BCAR3: variants seen among roughly 807,000 people sequenced by gnomAD.
The protein encoded by BCAR3 is BCAR3 adaptor protein, NSP family member.
BCAR3 carries 37 observed loss-of-function variants against 80.1 expected under a neutral mutation model. The ratio of observed to expected loss-of-function variants is 0.46; its 90% confidence interval spans 0.36 to 0.61. The LOEUF is 0.61. Among genes scored for constraint, BCAR3 ranks in the 20% least tolerant of loss-of-function variants. The pLI, the probability that BCAR3 is intolerant of heterozygous loss-of-function variation, is 0.00. For missense variants in BCAR3, 978 were observed against 1,068.2 expected (o/e 0.92, Z 1.18); for synonymous variants, 389 against 418.9 (o/e 0.93, Z 0.87).
At position 93,567,358 on chromosome 1, in the gene BCAR3, CATG is replaced by C; in HGVS notation, c.2217_2219del (p.Ile739del). On this transcript the variant is annotated inframe_deletion, in exon 11 of 12. Coordinates refer to ENST00000260502, the MANE Select transcript of BCAR3 (RefSeq NM_003567.4). ...ATCGCGCTGTTGCCAAATGGTTCAG[CATG>C]ATTTCACAGCTCTGGTCGTTTTTTT... 8 of 1,614,192 alleles carry C rather than the reference CATG, an allele frequency of 5.0e-6. No homozygotes were observed. Among genetic ancestry groups the C allele is most frequent in the Non-Finnish European group, 6.8e-6 (8 of 1,180,034 alleles).
intron 2 of BCAR3, among the ~76,000 whole-genome samples, chr1:93,835,271 G>A (rs1049962661): frequency 6.6e-6 from 1 of 152,174 alleles, no homozygotes; most frequent in Non-Finnish European, 1.5e-5. Context: ...TCTCAAGGCT[G>A]CTTTACTTCC....
chr1:93,842,886 T>C (rs1264300326), intron 2 of BCAR3, among the ~76,000 whole-genome samples: 1 of 152,208 alleles, frequency 6.6e-6, no homozygotes, highest in Non-Finnish European at 1.5e-5. Flanking sequence ...TTCCTTCCCC[T>C]GTTCCTGCCT....
chr1:93,722,997 C>G (rs952189912), intron 2 of BCAR3, among the ~76,000 whole-genome samples: 1 of 152,096 alleles, frequency 6.6e-6, no homozygotes, highest in African/African-American at 2.4e-5. Flanking sequence ...AAGAAGCAGC[C>G]GTGATTAGAG....
intron 3 of BCAR3, chr1:93,613,948 C>T (rs767366628): frequency 2.4e-5 from 37 of 1,550,242 alleles, no homozygotes; most frequent in African/African-American, 1.9e-4. Flanking sequence ...TCTTCAGTCC[C>T]GGGGACCACA....
rs572089154 is a variant in BCAR3 at position 93,581,268 on chromosome 1, C to G, written c.1686+1033G>C. On this transcript the variant is annotated intron_variant, in intron 7 of 11. Coordinates refer to ENST00000260502, the MANE Select transcript of BCAR3 (RefSeq NM_003567.4). ...TGGAATAGTGTGTACAGACCTGTGG[C>G]AAACAGATATTACACATGCAATTAT... Among the ~76,000 whole-genome samples the G allele has an allele frequency of 1.3e-3, 205 of 152,208 alleles. 2 individuals carry two copies. Among genetic ancestry groups the G allele is most frequent in the Non-Finnish European group, 1.2e-3 (85 of 68,030 alleles).
At chr1:93,710,039 T>C (rs1649966211) in intron 2 of BCAR3, among the ~76,000 whole-genome samples, 1 of 152,224 alleles carries the variant, frequency 6.6e-6, no homozygotes, top group South Asian at 2.1e-4. Context: ...TCTTTGTCAC[T>C]TAGAGAAAAA....
At chr1:93,720,424 T>G (rs1650353431) in intron 2 of BCAR3, 1 of 152,310 alleles carries the variant, frequency 6.6e-6, no homozygotes, top group Non-Finnish European at 1.5e-5. Context: ...AAACAGGACC[T>G]AACTTTGGAG....
intron 3 of BCAR3, among the ~76,000 whole-genome samples, chr1:93,700,509 C>CA (rs1557659285): frequency 6.6e-6 from 1 of 152,214 alleles, no homozygotes; most frequent in African/African-American, 2.4e-5. Context: ...ATGCCACTGG[C>CA]AGACATCTGC....
chr1:93,719,190 A>G (rs1015330166), intron 2 of BCAR3, among the ~76,000 whole-genome samples: 112 of 152,192 alleles, frequency 7.4e-4, no homozygotes, highest in African/African-American at 2.6e-3. Flanking sequence ...CATAGAGCCC[A>G]CTACTCTGGA....
intron 3 of BCAR3, chr1:93,594,914 C>T (rs1411317674): frequency 1.3e-5 from 2 of 152,250 alleles, no homozygotes; most frequent in African/African-American, 4.8e-5. Flanking sequence ...CAGCCCTGCT[C>T]ATAACAGCAA....
chr1:93,842,726 C>G (rs1655002701), intron 2 of BCAR3, among the ~76,000 whole-genome samples: 1 of 152,158 alleles, frequency 6.6e-6, no homozygotes, highest in South Asian at 2.1e-4. Flanking sequence ...CTGCCCCTAC[C>G]CCTTTTGCCG....
chr1:93,710,470 G>A (rs1649981279), intron 2 of BCAR3, among the ~76,000 whole-genome samples: 2 of 152,296 alleles, frequency 1.3e-5, no homozygotes, highest in South Asian at 4.1e-4. Flanking sequence ...ATCCTAGCCA[G>A]GATATCTGGG....
intron 3 of BCAR3, among the ~76,000 whole-genome samples, chr1:93,638,875 GAGA>G (rs1675888091): frequency 6.6e-6 from 1 of 152,140 alleles, no homozygotes; most frequent in Non-Finnish European, 1.5e-5. Context: ...ATTGTGAGGA[GAGA>G]AGGTTAGGAA....
chr1:93,647,683 A>G (rs560299579), intron 2 of BCAR3, among the ~76,000 whole-genome samples: 2 of 152,288 alleles, frequency 1.3e-5, no homozygotes, highest in Middle Eastern at 3.4e-3. Flanking sequence ...TAAAGTACCA[A>G]AGGAGATTTG....
At chr1:93,828,679 G>A (rs530714213) in intron 2 of BCAR3, among the ~76,000 whole-genome samples, 1 of 152,152 alleles carries the variant, frequency 6.6e-6, no homozygotes, top group African/African-American at 2.4e-5. Flanking sequence ...ATTCATTTTT[G>A]AAGTCTCCTG....
At chr1:93,830,646 A>G (rs1654527030) in intron 2 of BCAR3, among the ~76,000 whole-genome samples, 2 of 151,538 alleles carry the variant, frequency 1.3e-5, no homozygotes, top group African/African-American at 4.9e-5. Context: ...CCCTTCGCTG[A>G]CTCTCTTTTC....
At chr1:93,629,919 C>T (rs798213) in intron 3 of BCAR3, among the ~76,000 whole-genome samples, 43,919 of 152,104 alleles carry the variant, frequency 0.29, 8,660 homozygotes, top group African/African-American at 0.58. Context: ...AGGTTAGGTG[C>T]GGGAACCTCT....
chr1:93,727,750 C>G (rs1177323831), intron 2 of BCAR3, among the ~76,000 whole-genome samples: 2 of 152,192 alleles, frequency 1.3e-5, no homozygotes, highest in Non-Finnish European at 2.9e-5. Context: ...GATATAATCA[C>G]TTTAATATGT....
chr1:93,577,204 A>T (rs1177411600), intron 7 of BCAR3, among the ~76,000 whole-genome samples: 1 of 152,206 alleles, frequency 6.6e-6, no homozygotes, highest in Non-Finnish European at 1.5e-5. Context: ...CAGCACAATG[A>T]TGTACTAAGA....
Sources: gnomAD v4.1 joint callset for allele counts (sites outside exome capture counted in the v4.1 genomes callset) on GRCh38, gnomAD v4.1.1 for gene constraint, MANE v1.5 for transcripts, NCBI Gene and HGNC (gene_info 2026-07-23, HGNC 2026-07-21) for gene names.